The following LGR5 variants were observed in gnomAD, a reference collection of about 807,000 sequenced individuals.
The protein encoded by LGR5 is leucine-rich repeat-containing G protein-coupled receptor 5.
Under a neutral mutation model 76.7 loss-of-function variants are expected in LGR5, and 54 were observed. The ratio of observed to expected loss-of-function variants is 0.70; its 90% CI spans 0.57 to 0.88. The LOEUF is 0.88. LGR5 is among the 40% of genes least tolerant of loss of function. The pLI is 0.00. For synonymous variants in LGR5, 406 were observed against 421.9 expected (o/e 0.96, Z 0.46); for missense variants, 1,078 against 1,073.3 (o/e 1.00, Z -0.06).
At chr12:71,491,390 T>C (rs768333707) in intron 1 of LGR5, among the ~76,000 whole-genome samples, 1 of 152,166 alleles carries the variant, frequency 6.6e-6, no homozygotes, top group African/African-American at 2.4e-5. Flanking sequence ...AAACCTTAGA[T>C]TGACTTTTTT....
At chr12:71,485,760 A>T (rs2137268973) in intron 1 of LGR5, among the ~76,000 whole-genome samples, 2 of 150,162 alleles carry the variant, frequency 1.3e-5, no homozygotes, top group South Asian at 4.2e-4. Context: ...ATTGGCTTAC[A>T]CAATTATCTT....
chr12:71,481,918 A>T (rs1873624716), intron 1 of LGR5, among the ~76,000 whole-genome samples: 1 of 152,190 alleles, frequency 6.6e-6, no homozygotes, highest in Admixed American at 6.5e-5. Context: ...ACACTCAATG[A>T]CACAACACCA....
intron 3 of LGR5, among the ~76,000 whole-genome samples, chr12:71,525,169 T>C (rs1392800326): frequency 5.3e-5 from 8 of 152,154 alleles, no homozygotes; most frequent in African/African-American, 1.7e-4. Context: ...AGGAAAAGTT[T>C]ATCTCAGAAA....
intron 16 of LGR5, 99 bp downstream of exon 16, chr12:71,580,522 G>A (rs1351271598): frequency 1.6e-6 from 2 of 1,247,682 alleles, no homozygotes; most frequent in Non-Finnish European, 1.1e-6. Flanking sequence ...CAGGCCGGGT[G>A]TGGTGGCACA....
At chr12:71,568,283 G>GCT in intron 11 of LGR5, among the ~76,000 whole-genome samples, 1 of 152,270 alleles carries the variant, frequency 6.6e-6, no homozygotes, top group South Asian at 2.1e-4. Flanking sequence ...TCAAATCCAA[G>GCT]CTCTCTATAT....
intron 1 of LGR5, among the ~76,000 whole-genome samples, chr12:71,443,521 C>T (rs539435537): frequency 1.5e-4 from 23 of 152,256 alleles, no homozygotes; most frequent in Admixed American, 8.5e-4. Flanking sequence ...AAATAAGGAA[C>T]GCACCAAGGT....
At chr12:71,559,520 C>T (rs1268723906) in intron 6 of LGR5, 66 bp from the exon 7 acceptor site, 1 of 869,562 alleles carries the variant, frequency 1.2e-6, no homozygotes, top group Non-Finnish European at 1.9e-6. Flanking sequence ...TGTTAACTTT[C>T]CTTGTAAATA....
intron 13 of LGR5, among the ~76,000 whole-genome samples, chr12:71,575,771 A>G (rs991138782): frequency 6.6e-6 from 1 of 151,256 alleles, no homozygotes; most frequent in East Asian, 1.9e-4. Flanking sequence ...TCATTCTATT[A>G]TAAAGATACA....
intron 1 of LGR5, among the ~76,000 whole-genome samples, chr12:71,455,565 C>T (rs962170590): frequency 3.0e-4 from 46 of 152,178 alleles, no homozygotes; most frequent in African/African-American, 1.0e-3. Flanking sequence ...CCATTCATTT[C>T]ATTAACATTA....
At chr12:71,580,739 C>G (rs1879056478) in intron 16 of LGR5, among the ~76,000 whole-genome samples, 1 of 151,950 alleles carries the variant, frequency 6.6e-6, no homozygotes, top group Admixed American at 6.6e-5. Flanking sequence ...CAGGTTGATT[C>G]CAAAGCAAGC....
intron 1 of LGR5, among the ~76,000 whole-genome samples, chr12:71,498,830 G>T (rs532004732): frequency 1.1e-4 from 17 of 152,332 alleles, no homozygotes; most frequent in Non-Finnish European, 2.1e-4. Context: ...CATCCTTGGT[G>T]GTCCGAAGAA....
At chr12:71,482,093 GA>G (rs999273710) in intron 1 of LGR5, among the ~76,000 whole-genome samples, 1 of 152,092 alleles carries the variant, frequency 6.6e-6, no homozygotes, top group Non-Finnish European at 1.5e-5. Context: ...CTTTTGAAGG[GA>G]AAAAAAGTCA....
At chr12:71,448,007 T>A (rs1014404087) in intron 1 of LGR5, among the ~76,000 whole-genome samples, 3 of 152,076 alleles carry the variant, frequency 2.0e-5, no homozygotes, top group African/African-American at 7.2e-5. Flanking sequence ...AGAAGCCAAG[T>A]GTTTCAAACT....
Position 71,504,604 on chromosome 12 carries a change from T to TC in LGR5, c.213-3dup, listed in dbSNP as rs547323599. 215 of 1,612,062 alleles carry TC rather than the reference T, an allele frequency of 1.3e-4. 4 individuals are homozygous for TC. In the South Asian group the frequency reaches 1.7e-3, roughly 13 times the overall value. On this transcript the variant is annotated splice_polypyrimidine_tract_variant and intron_variant, in intron 1 of 17. Coordinates refer to ENST00000266674, the MANE Select transcript of LGR5 (RefSeq NM_003667.4). ...GCTGCTCCTCACACGCTGTCTGTTT[T>TC]CCCCCCCAGAGACCTCAGTATGAAC...
At chr12:71,505,524 G>A (rs1874810172) in intron 2 of LGR5, among the ~76,000 whole-genome samples, 1 of 152,098 alleles carries the variant, frequency 6.6e-6, no homozygotes, top group Non-Finnish European at 1.5e-5. Flanking sequence ...GACCTCTTTT[G>A]AAAATATTTT....
chr12:71,582,566 A>G, intron 17 of LGR5, 27 bp downstream of exon 17: 1 of 1,518,294 alleles, frequency 6.6e-7, no homozygotes, highest in Non-Finnish European at 9.2e-7. Flanking sequence ...AAATTCCTCA[A>G]CGGCAGTATC....
At chr12:71,544,728 T>C (rs2137390110) in intron 4 of LGR5, among the ~76,000 whole-genome samples, 1 of 152,324 alleles carries the variant, frequency 6.6e-6, no homozygotes, top group East Asian at 1.9e-4. Flanking sequence ...TTCAATGCAG[T>C]AAAATTTTAT....
chr12:71,508,452 T>C (rs1340777381), intron 2 of LGR5, among the ~76,000 whole-genome samples: 1 of 152,026 alleles, frequency 6.6e-6, no homozygotes, highest in Non-Finnish European at 1.5e-5. Context: ...ACTGACTTAA[T>C]GTTTAAAAAA....
intron 2 of LGR5, 104 bp downstream of exon 2, chr12:71,504,789 C>A: frequency 1.1e-6 from 1 of 929,064 alleles, no homozygotes; most frequent in Non-Finnish European, 1.8e-6. Flanking sequence ...GGCAGAAAAC[C>A]TGTCAGCACC....
Sources: gnomAD v4.1 joint callset for allele counts (sites outside exome capture counted in the v4.1 genomes callset) on GRCh38, gnomAD v4.1.1 for gene constraint, MANE v1.5 for transcripts, NCBI Gene and HGNC (gene_info 2026-07-23, HGNC 2026-07-21) for gene names.